RUNX1: variants seen among roughly 807,000 people sequenced by gnomAD.
The protein encoded by RUNX1 is runt-related transcription factor 1.
A neutral mutation model predicts 42.8 loss-of-function variants in RUNX1; 19 were observed. That is an observed-to-expected ratio of 0.44 (90% CI 0.31 to 0.65). The LOEUF (loss-of-function observed/expected upper bound fraction) is 0.65. Among genes scored for constraint, RUNX1 ranks in the 30% least tolerant of loss-of-function variants. The pLI, the probability that RUNX1 is intolerant of heterozygous loss-of-function variation, is 0.07. For missense variants in RUNX1, 528 were observed against 672.0 expected, an observed-to-expected ratio of 0.79 and a Z score of 2.37; for synonymous variants, 271 against 289.4, an observed-to-expected ratio of 0.94 and a Z score of 0.64.
chr21:35,044,032 A>G (rs974769074), intron 2 of RUNX1, among the ~76,000 whole-genome samples: 4 of 152,232 alleles, frequency 2.6e-5, no homozygotes, highest in African/African-American at 9.6e-5. Context: ...TTAGCATGAC[A>G]TCCTGCCCCA....
chr21:34,998,708 A>AT (rs1452935642), intron 2 of RUNX1, among the ~76,000 whole-genome samples: 2 of 151,740 alleles, frequency 1.3e-5, no homozygotes, highest in Non-Finnish European at 2.9e-5. Flanking sequence ...TGCCTGGCTA[A>AT]TTTTTTGTAT....
intron 2 of RUNX1, among the ~76,000 whole-genome samples, chr21:34,920,960 G>A (rs2058349304): frequency 1.3e-5 from 2 of 152,330 alleles, no homozygotes; most frequent in South Asian, 4.1e-4. Flanking sequence ...CCGGGTTCAA[G>A]CGATTGTCTT....
chr21:34,821,259 G>A, intron 7 of RUNX1: 1 of 1,066,832 alleles, frequency 9.4e-7, no homozygotes, highest in Non-Finnish European at 1.1e-6. Flanking sequence ...CCGCCAATAA[G>A]AGCACATAAA....
At chr21:34,906,388 A>G (rs2058219710) in intron 2 of RUNX1, among the ~76,000 whole-genome samples, 1 of 152,244 alleles carries the variant, frequency 6.6e-6, no homozygotes, top group African/African-American at 2.4e-5. Context: ...TAATAGGGTT[A>G]TAACAACTGA....
chr21:34,944,933 C>T (rs1249835221), intron 2 of RUNX1, among the ~76,000 whole-genome samples: 1 of 152,186 alleles, frequency 6.6e-6, no homozygotes, highest in African/African-American at 2.4e-5. Flanking sequence ...AACATCAAAG[C>T]ACAGTTTATG....
chr21:35,038,950 G>C, intron 2 of RUNX1: 1 of 345,152 alleles, frequency 2.9e-6, no homozygotes, highest in South Asian at 2.2e-5. Context: ...AAGGAGCCAG[G>C]TGGGCAGGCA....
rs1186747481 is a variant in RUNX1 at position 34,993,728 on chromosome 21, CACAG to C, written c.58+55110_58+55113del. Among the ~76,000 whole-genome samples, 16 of 144,984 alleles carry C rather than the reference CACAG, an allele frequency of 1.1e-4. No homozygotes were observed. The South Asian group carries it at 3.2e-3, about 29-fold the overall frequency. On this transcript the variant is annotated intron_variant, in intron 2 of 8. Transcript: ENST00000675419. ...ACACAGACACACACAGGCACACACA[CACAG>C]ACACACAGAGACACACACACAGACA...
intron 7 of RUNX1, among the ~76,000 whole-genome samples, chr21:34,830,580 G>A (rs1420642592): frequency 6.6e-6 from 1 of 152,114 alleles, no homozygotes; most frequent in Non-Finnish European, 1.5e-5. Flanking sequence ...ATCGATCCTT[G>A]ACCCAAGAGT....
chr21:34,805,973 C>T (rs1185090555), intron 7 of RUNX1, among the ~76,000 whole-genome samples: 2 of 151,990 alleles, frequency 1.3e-5, no homozygotes, highest in Non-Finnish European at 2.9e-5. Context: ...TAACTAAAAA[C>T]ATTTTTAAAA....
intron 8 of RUNX1, among the ~76,000 whole-genome samples, chr21:34,796,655 G>C (rs1314671503): frequency 1.3e-5 from 2 of 152,228 alleles, no homozygotes; most frequent in Admixed American, 1.3e-4. Flanking sequence ...ATGGATGAAA[G>C]CAGCCTCGCT....
intron 2 of RUNX1, among the ~76,000 whole-genome samples, chr21:34,913,791 T>C (rs540394812): frequency 1.3e-5 from 2 of 152,334 alleles, no homozygotes; most frequent in East Asian, 3.9e-4. Context: ...AAGTTGTGTT[T>C]TGGCTCTTGA....
intron 2 of RUNX1, among the ~76,000 whole-genome samples, chr21:35,037,759 A>G (rs957878855): frequency 2.0e-5 from 3 of 152,232 alleles, no homozygotes; most frequent in Admixed American, 6.5e-5. Flanking sequence ...TTAATACAGT[A>G]AGGCAAGAAA....
intron 5 of RUNX1, among the ~76,000 whole-genome samples, chr21:34,868,836 C>A (rs964376698): frequency 6.6e-6 from 1 of 152,156 alleles, no homozygotes; most frequent in Non-Finnish European, 1.5e-5. Flanking sequence ...ACAGTAGGTG[C>A]ACAATGTATA....
chr21:34,846,310 C>T (rs1270601353), intron 6 of RUNX1, among the ~76,000 whole-genome samples: 1 of 150,508 alleles, frequency 6.6e-6, no homozygotes, highest in African/African-American at 2.4e-5. Context: ...TCTCTTTCCC[C>T]GGCCTGGGGT....
At chr21:34,798,497 G>T (rs143458925) in intron 8 of RUNX1, among the ~76,000 whole-genome samples, 23 of 152,164 alleles carry the variant, frequency 1.5e-4, no homozygotes, top group African/African-American at 4.1e-4. Context: ...TGTTCCTCTG[G>T]CCTCTGTATG....
chr21:35,037,083 A>G lies in RUNX1; in HGVS notation c.58+11759T>C, dbSNP rs893103065. Among the ~76,000 whole-genome samples, 4 of 152,352 alleles carry G rather than the reference A, an allele frequency of 2.6e-5. No individual in the cohort carries two copies. The East Asian group carries it at 7.7e-4, about 29-fold the overall frequency. On this transcript the variant is annotated intron_variant, in intron 2 of 8. Coordinates refer to ENST00000675419, the MANE Select transcript of RUNX1 (RefSeq NM_001754.5). ...CTCAAGCCCATGTAAATGCAAGGTC[A>G]GCCTTGTACAACAATGGGAGCAAGT...
At chr21:34,991,673 T>C (rs1287882742) in intron 2 of RUNX1, among the ~76,000 whole-genome samples, 2 of 152,136 alleles carry the variant, frequency 1.3e-5, no homozygotes, top group Non-Finnish European at 2.9e-5. Context: ...AAGTGGTAGA[T>C]AGGGGAACGG....
chr21:35,043,146 C>T (rs766951067), intron 2 of RUNX1, among the ~76,000 whole-genome samples: 23 of 152,110 alleles, frequency 1.5e-4, no homozygotes, highest in Non-Finnish European at 3.2e-4. Flanking sequence ...CCTGTGTTCT[C>T]GTAAAGTACT....
intron 6 of RUNX1, among the ~76,000 whole-genome samples, chr21:34,852,199 C>CAA (rs2057431486): frequency 2.0e-5 from 3 of 150,160 alleles, no homozygotes; most frequent in Non-Finnish European, 4.5e-5. Flanking sequence ...CAAAACAAAA[C>CAA]AACAACCACA....
Sources: allele counts gnomAD v4.1 joint callset (sites outside exome capture counted in the v4.1 genomes callset), GRCh38; gene constraint gnomAD v4.1.1; transcripts MANE v1.5; gene names NCBI Gene and HGNC (gene_info 2026-07-23, HGNC 2026-07-21).